Variants in NCKAP5L observed in about 807,000 individuals in gnomAD.
The protein encoded by NCKAP5L is NCK associated protein 5 like.
A neutral mutation model predicts 103.2 loss-of-function variants in NCKAP5L; 54 were observed. The observed-to-expected ratio is 0.52, with a 90% CI of 0.42 to 0.66. NCKAP5L has a LOEUF of 0.66. Ranked by LOEUF, NCKAP5L falls within the 30% of genes least tolerant of loss-of-function variation. The pLI, the probability that NCKAP5L is intolerant of heterozygous loss-of-function variation, is 0.00. For missense variants in NCKAP5L, 1,733 were observed against 1,750.6 expected (o/e 0.99, Z 0.18); for synonymous variants, 762 against 748.6 (o/e 1.02, Z -0.29).
chr12:49,793,535 T>G, intron 9 of NCKAP5L, 102 bp from the exon 10 acceptor site: 2 of 1,344,462 alleles, frequency 1.5e-6, no homozygotes, highest in Non-Finnish European at 2.1e-6. Flanking sequence ...TATGAGAGTA[T>G]GAGGATTAGG....
chr12:49,813,213 A>G (rs1410584044), intron 1 of NCKAP5L, among the ~76,000 whole-genome samples: 1 of 152,202 alleles, frequency 6.6e-6, no homozygotes, highest in Non-Finnish European at 1.5e-5. Flanking sequence ...TAATCATTTG[A>G]GGAACTGTCA....
Position 49,791,834 on chromosome 12 carries a change from G to T in NCKAP5L, c.*5C>A. ...TCCAGCGGGGCCGTGGCGTGGCGCA[G>T]CCCCTCAGCCCTGACTCCCACAAGA... On this transcript the variant is annotated 3_prime_UTR_variant, in exon 13 of 13. Coordinates refer to ENST00000335999, the MANE Select transcript of NCKAP5L (RefSeq NM_001037806.4). 6.3e-7 allele frequency: 1 copy of T among 1,583,924 alleles called. No homozygotes were observed. The highest frequency in any genetic ancestry group is 1.8e-5 in the Admixed American group (1 of 56,774).
intron 1 of NCKAP5L, among the ~76,000 whole-genome samples, chr12:49,810,180 G>A (rs904842419): frequency 2.7e-5 from 4 of 147,628 alleles, no homozygotes; most frequent in South Asian, 4.5e-4. Flanking sequence ...TGCCGGGGGT[G>A]GGGGGAGGGA....
At chr12:49,812,123 AATC>A (rs1467063662) in intron 1 of NCKAP5L, among the ~76,000 whole-genome samples, 1 of 152,184 alleles carries the variant, frequency 6.6e-6, no homozygotes, top group African/African-American at 2.4e-5. Context: ...AGATACGTGC[AATC>A]ATCAACATGG....
In NCKAP5L at chr12:49,792,979, G is replaced by A. The variant is rs1459979329; in HGVS notation, c.3348C>T (p.Gly1116=). 1.3e-6 allele frequency: 2 copies of A among 1,541,630 alleles called. No homozygotes were observed. Among genetic ancestry groups the A allele is most frequent in the Non-Finnish European group, 1.7e-6 (2 of 1,151,600 alleles). The change falls in exon 11 of 13, where the codon GGC becomes GGT. Residue 1116 remains glycine (G), a synonymous_variant. Coordinates refer to ENST00000335999, the MANE Select transcript of NCKAP5L (RefSeq NM_001037806.4). This position sits in a 1 kb window ranked among gnomAD's most constrained non-coding sequence, Gnocchi z 4.5. ...CACTGTCCAAGGTTCGAGTCAAGGA[G>A]CCACAGGCTGGGGAGGGGAGGGGAG... is the stretch of plus-strand genomic sequence containing the variant. ...PVPTSHFTAC[G]SLTRTLDSGI... is the part of the protein sequence containing the mutation.
intron 1 of NCKAP5L, among the ~76,000 whole-genome samples, chr12:49,820,236 G>A (rs1473211794): frequency 6.6e-6 from 1 of 151,624 alleles, no homozygotes; most frequent in Non-Finnish European, 1.5e-5. Context: ...CTGGGAGGCT[G>A]CACCTGCACG....
In NCKAP5L at chr12:49,792,464, C is replaced by G; in HGVS notation, c.3774G>C (p.Gly1258=). The G allele has an allele frequency of 6.2e-7, 1 of 1,613,424 alleles. No individual in the cohort carries two copies. Residue 1258 remains glycine (G), a synonymous_variant, in exon 12 of 13, where the codon GGG becomes GGC. Transcript: ENST00000335999. The surrounding 1 kb of genome is among the most constrained non-coding windows in gnomAD (Gnocchi z 4.5). The part of the protein sequence containing the change: ...PLMCPPRQLE[G]LPRTPMALPV... ...TTCTCACCATGGGGGTCCTGGGCAG[C>G]CCCTCCAGTTGTCGGGGTGGGCACA... is the stretch of plus-strand genomic sequence containing the variant.
chr12:49,802,090 C>T, intron 5 of NCKAP5L, 123 bp from the exon 6 acceptor site: 1 of 1,100,998 alleles, frequency 9.1e-7, no homozygotes, highest in Non-Finnish European at 1.3e-6. Context: ...GCACACACTT[C>T]CGCTGCAACC....
In NCKAP5L at chr12:49,794,745, G is replaced by A; in HGVS notation, c.3095+20C>T. 2 of 1,463,914 alleles carry A rather than the reference G, an allele frequency of 1.4e-6. No homozygotes were observed. The highest frequency in any genetic ancestry group is 1.8e-6 in the Non-Finnish European group (2 of 1,105,966). The allele number at this position is 1,463,914 out of a possible 1,614,324, so 90.7% of individuals were successfully genotyped here. A position where few individuals can be genotyped will look rare whatever the true frequency, so the allele number is the denominator to read the frequency against. Reference sequence around the variant, plus strand: ...GCCCCAAGCCCACCAAGCCCCTGTTGACTGATCCCAGGACCTCACCTGTTT... The same window carrying A: ...GCCCCAAGCCCACCAAGCCCCTGTTAACTGATCCCAGGACCTCACCTGTTT... On this transcript the variant is annotated intron_variant, in intron 8 of 12. Coordinates refer to ENST00000335999, the MANE Select transcript of NCKAP5L (RefSeq NM_001037806.4).
rs1464338063 is a variant in NCKAP5L, at chr12:49,804,063, A to G, written c.-19T>C. 1 of 1,607,160 alleles carries G rather than the reference A, an allele frequency of 6.2e-7. No homozygotes were observed. On this transcript the variant is annotated 5_prime_UTR_variant, in exon 3 of 13. Coordinates refer to ENST00000335999, the MANE Select transcript of NCKAP5L (RefSeq NM_001037806.4). ...CTGACATCTGGCCCTGGGAACAAGGAAGAGAAGCCCCGGCAGGCTACTCCA... is the reference window on the plus strand; with the variant it reads ...CTGACATCTGGCCCTGGGAACAAGGGAGAGAAGCCCCGGCAGGCTACTCCA...
At chr12:49,798,864 C>G (rs1005340289) in intron 6 of NCKAP5L, among the ~76,000 whole-genome samples, 1 of 152,198 alleles carries the variant, frequency 6.6e-6, no homozygotes, top group Admixed American at 6.5e-5. Flanking sequence ...ATCATAGGGA[C>G]AGCTGAGATA....
chr12:49,791,616 G>A lies in NCKAP5L; in HGVS notation c.*223C>T, dbSNP rs1160056408. The A allele has an allele frequency of 4.4e-6, 2 of 452,336 alleles. No homozygotes were observed. The highest frequency in any genetic ancestry group is 3.9e-6 in the Non-Finnish European group (1 of 256,196). The allele number at this position is 452,336 out of a possible 1,614,324, so 28.0% of individuals were successfully genotyped here. On this transcript the variant is annotated 3_prime_UTR_variant, in exon 13 of 13. Coordinates refer to ENST00000335999, the MANE Select transcript of NCKAP5L (RefSeq NM_001037806.4). Reference sequence around the variant, plus strand: ...AGGAAGAGCCTTACTCTGGGTGAGAGAAGGGACCAAGGGCGGGGTCTCTCC... The same window carrying A: ...AGGAAGAGCCTTACTCTGGGTGAGAAAAGGGACCAAGGGCGGGGTCTCTCC...
At chr12:49,826,389 A>G (rs1946416917) in intron 1 of NCKAP5L, among the ~76,000 whole-genome samples, 3 of 152,122 alleles carry the variant, frequency 2.0e-5, no homozygotes, top group Admixed American at 2.0e-4. Flanking sequence ...GGCCAAACCC[A>G]AGCCAGCAGG....
At position 49,793,348 on chromosome 12, in the gene NCKAP5L, T is replaced by C; in HGVS notation, c.3340+4A>G. On this transcript the variant is annotated splice_donor_region_variant and intron_variant, in intron 10 of 12. Transcript: ENST00000335999. ...GCCCATCCTCAGCCCCTGACCCTGC[T>C]GACCTGTGAAGTGTGAGGTGGGCAC... The C allele has an allele frequency of 6.2e-7, 1 of 1,606,162 alleles. No homozygotes were observed. Among genetic ancestry groups the C allele is most frequent in the Non-Finnish European group, 8.5e-7 (1 of 1,179,628 alleles).
At position 49,795,526 on chromosome 12, in the gene NCKAP5L, G is replaced by T. The variant is rs1444281673; in HGVS notation, c.2334C>A (p.Ala778=). The T allele has an allele frequency of 6.5e-7, 1 of 1,532,600 alleles. No homozygotes were observed. Among genetic ancestry groups the T allele is most frequent in the Admixed American group, 2.2e-5 (1 of 45,962 alleles). 94.9% of individuals were successfully genotyped at this position (1,532,600 alleles called of 1,614,324 possible). A position where few individuals can be genotyped will look rare whatever the true frequency, so the allele number is the denominator to read the frequency against. The change falls in exon 8 of 13, where the codon GCC becomes GCA. Residue 778 remains alanine (A), a synonymous_variant. Transcript: ENST00000335999. Reference sequence around the variant, plus strand: ...ACAGGGCCCCTGCCAGCCGGCTCTTGGCCAGCTCCACTTTGGTGAGGCAGC... The same window carrying T: ...ACAGGGCCCCTGCCAGCCGGCTCTTTGCCAGCTCCACTTTGGTGAGGCAGC... ...PRSCLTKVEL[A]KSRLAGALCP...
intron 1 of NCKAP5L, among the ~76,000 whole-genome samples, chr12:49,816,183 C>G (rs1218098344): frequency 1.3e-5 from 2 of 152,100 alleles, no homozygotes; most frequent in Non-Finnish European, 1.5e-5. Flanking sequence ...GGGAGCTCCC[C>G]GAGGAGAGGC....
At position 49,792,132 on chromosome 12, in the gene NCKAP5L, G is replaced by C; in HGVS notation, c.3793-81C>G. 7.7e-7 allele frequency: 1 copy of C among 1,291,376 alleles called. No individual in the cohort carries two copies. The highest frequency in any genetic ancestry group is 1.5e-5 in the South Asian group (1 of 68,470). 80.0% of individuals were successfully genotyped at this position (1,291,376 alleles called of 1,614,324 possible). On this transcript the variant is annotated intron_variant, in intron 12 of 12. Transcript: ENST00000335999. This position sits in a 1 kb window ranked among gnomAD's most constrained non-coding sequence, Gnocchi z 4.5. Reference sequence around the variant, plus strand: ...TCAGAGGCACTGAGCTCTGAGGGGCGTCTGTGCACCTGATGGGGGGCTGCT... The same window carrying C: ...TCAGAGGCACTGAGCTCTGAGGGGCCTCTGTGCACCTGATGGGGGGCTGCT...
chr12:49,802,807 G>T, intron 5 of NCKAP5L, 151 bp downstream of exon 5: 1 of 841,342 alleles, frequency 1.2e-6, no homozygotes, highest in Non-Finnish European at 1.8e-6. Context: ...TCCCACCTCT[G>T]TCTCTAGGTA....
intron 1 of NCKAP5L, among the ~76,000 whole-genome samples, chr12:49,820,135 C>T (rs540908126): frequency 3.2e-4 from 48 of 152,174 alleles, no homozygotes; most frequent in African/African-American, 3.6e-4. Flanking sequence ...ACAGGAGGAA[C>T]CAAGGCAGAG....
Sources: gnomAD v4.1 joint callset for allele counts (sites outside exome capture counted in the v4.1 genomes callset) on GRCh38, gnomAD v4.1.1 for gene constraint, Gnocchi (gnomAD v3.1) non-coding constraint, MANE v1.5 for transcripts, NCBI Gene and HGNC (gene_info 2026-07-23, HGNC 2026-07-21) for gene names.